ZBTB7C: variants seen among roughly 807,000 people sequenced by gnomAD.
ZBTB7C encodes zinc finger and BTB domain-containing protein 7C.
Under a neutral mutation model 25.7 loss-of-function variants are expected in ZBTB7C, and 8 were observed. That is an observed-to-expected ratio of 0.31 (90% CI 0.18 to 0.56). The LOEUF (loss-of-function observed/expected upper bound fraction) is 0.56, where lower values mean the gene tolerates loss of function less well. Ranked by LOEUF, ZBTB7C falls within the 20% of genes least tolerant of loss-of-function variation. ZBTB7C has a pLI of 0.91. For synonymous variants in ZBTB7C, 394 were observed against 369.0 expected, an observed-to-expected ratio of 1.07 and a Z score of -0.78; for missense variants, 824 against 855.2, an observed-to-expected ratio of 0.96 and a Z score of 0.46.
In ZBTB7C at chr18:48,158,835, A is replaced by G. The variant is rs80297801; in HGVS notation, c.-17+27099T>C. Among the ~76,000 whole-genome samples the G allele has an allele frequency of 4.5e-3, 679 of 152,260 alleles. 2 individuals are homozygous for G. The highest frequency in any genetic ancestry group is 8.1e-3 in the Non-Finnish European group (551 of 68,022). On this transcript the variant is annotated intron_variant, in intron 3 of 4. Transcript: ENST00000590800. ...CCATCCATCTCGAGGTTTTGAAGGC[A>G]CCTGGTTTTACTGATAATCTGGGGT... is the stretch of plus-strand genomic sequence containing the variant.
chr18:48,374,314 C>T (rs2047464309), intron 1 of ZBTB7C: 1 of 152,220 alleles, frequency 6.6e-6, no homozygotes, highest in African/African-American at 2.4e-5. Flanking sequence ...GCCACCTCTT[C>T]TGGAAGGAGA....
At chr18:48,385,865 T>C (rs753827159) in intron 1 of ZBTB7C, among the ~76,000 whole-genome samples, 1 of 152,196 alleles carries the variant, frequency 6.6e-6, no homozygotes, top group Non-Finnish European at 1.5e-5. Context: ...CATGTGTCTC[T>C]ACAAAGCTCC....
At chr18:48,178,489 A>T (rs2041761418) in intron 3 of ZBTB7C, among the ~76,000 whole-genome samples, 1 of 152,194 alleles carries the variant, frequency 6.6e-6, no homozygotes, top group Admixed American at 6.5e-5. Context: ...AAGAGAGAAA[A>T]GTTGGTGGAG....
At chr18:48,043,124 C>T (rs533357825) in intron 3 of ZBTB7C, among the ~76,000 whole-genome samples, 53 of 152,222 alleles carry the variant, frequency 3.5e-4, no homozygotes, top group South Asian at 2.9e-3. Context: ...AAGGATCACT[C>T]GTATATTGCT....
intron 2 of ZBTB7C, among the ~76,000 whole-genome samples, chr18:48,256,238 T>C (rs1298010002): frequency 6.6e-6 from 1 of 151,858 alleles, no homozygotes; most frequent in African/African-American, 2.4e-5. Flanking sequence ...TCAAAACCAA[T>C]AATAAAGACA....
At chr18:48,154,632 A>ACCTTATGG (rs1457574941) in intron 3 of ZBTB7C, among the ~76,000 whole-genome samples, 1 of 152,116 alleles carries the variant, frequency 6.6e-6, no homozygotes, top group Non-Finnish European at 1.5e-5. Context: ...CAATATAGAC[A>ACCTTATGG]CCTTATGGAA....
chr18:48,254,846 G>A (rs541745494), intron 2 of ZBTB7C, among the ~76,000 whole-genome samples: 5 of 152,272 alleles, frequency 3.3e-5, no homozygotes, highest in African/African-American at 1.2e-4. Context: ...CAGTATCTCA[G>A]TGTACTGACT....
intron 3 of ZBTB7C, among the ~76,000 whole-genome samples, chr18:48,083,574 G>T (rs1327258707): frequency 6.6e-6 from 1 of 152,154 alleles, no homozygotes; most frequent in Non-Finnish European, 1.5e-5. Flanking sequence ...GCGGTGCAAA[G>T]TTTGTGTCTG....
rs2038725266 is a variant in ZBTB7C at position 48,098,666 on chromosome 18, C to T, written c.-16-57543G>A. On this transcript the variant is annotated intron_variant, in intron 3 of 4. Coordinates refer to ENST00000590800, the MANE Select transcript of ZBTB7C (RefSeq NM_001318841.2). The stretch of plus-strand genomic sequence containing the variant: ...TATGGGAAGGATTTCATATCTGGTT[C>T]CTGGGATGAAGCCTGTGATCGGGCA... Among the ~76,000 whole-genome samples the T allele has an allele frequency of 2.0e-5, 3 of 152,156 alleles. 1 individual carries two copies. In the South Asian group the frequency reaches 6.2e-4, roughly 32 times the overall value.
intron 3 of ZBTB7C, among the ~76,000 whole-genome samples, chr18:48,071,705 A>G (rs2037548624): frequency 1.3e-5 from 2 of 152,280 alleles, no homozygotes; most frequent in African/African-American, 2.4e-5. Context: ...CATTCATAGC[A>G]TTATTCACAC....
intron 2 of ZBTB7C, among the ~76,000 whole-genome samples, chr18:48,243,099 C>G (rs999264800): frequency 1.3e-5 from 2 of 151,898 alleles, no homozygotes; most frequent in African/African-American, 4.8e-5. Context: ...CCCATCTCCA[C>G]TAAAAATGTA....
intron 3 of ZBTB7C, among the ~76,000 whole-genome samples, chr18:48,179,932 TG>T (rs1568282533): frequency 9.7e-5 from 12 of 123,136 alleles, no homozygotes; most frequent in African/African-American, 2.9e-4. Context: ...CTTCCTTCCC[TG>T]CTTCCTTCCT....
At chr18:48,289,056 T>C (rs780364994) in intron 2 of ZBTB7C, among the ~76,000 whole-genome samples, 4 of 152,144 alleles carry the variant, frequency 2.6e-5, no homozygotes, top group Non-Finnish European at 5.9e-5. Flanking sequence ...ATCAGGGAAA[T>C]GCAAGGCTAT....
At chr18:48,068,077 C>T (rs1000714885) in intron 3 of ZBTB7C, among the ~76,000 whole-genome samples, 1 of 151,892 alleles carries the variant, frequency 6.6e-6, no homozygotes, top group African/African-American at 2.4e-5. Flanking sequence ...CTCTGGAGAA[C>T]TCTGACTAAT....
intron 3 of ZBTB7C, among the ~76,000 whole-genome samples, chr18:48,068,316 T>C (rs2037410919): frequency 6.6e-6 from 1 of 151,876 alleles, no homozygotes. Flanking sequence ...ATTTTTGGTA[T>C]TTTTATTAGA....
intron 2 of ZBTB7C, among the ~76,000 whole-genome samples, chr18:48,336,785 TC>T (rs2046467706): frequency 6.6e-6 from 1 of 151,958 alleles, no homozygotes; most frequent in African/African-American, 2.4e-5. Context: ...CCCAGGATGC[TC>T]CCCAGCTTCA....
intron 3 of ZBTB7C, among the ~76,000 whole-genome samples, chr18:48,178,460 A>G (rs1184665528): frequency 6.6e-6 from 1 of 152,250 alleles, no homozygotes; most frequent in East Asian, 1.9e-4. Context: ...TGTGAGAAGC[A>G]TTACAAGAAG....
intron 4 of ZBTB7C, among the ~76,000 whole-genome samples, chr18:48,038,792 G>A (rs1319880223): frequency 6.6e-6 from 1 of 152,148 alleles, no homozygotes; most frequent in Non-Finnish European, 1.5e-5. Context: ...GGTGGGGAAG[G>A]GACCTAGTCT....
At chr18:48,070,006 G>A (rs568271737) in intron 3 of ZBTB7C, among the ~76,000 whole-genome samples, 9 of 152,248 alleles carry the variant, frequency 5.9e-5, no homozygotes, top group African/African-American at 1.9e-4. Flanking sequence ...TCACAGGTGA[G>A]GCAATTGAGC....
Sources: allele counts gnomAD v4.1 joint callset (sites outside exome capture counted in the v4.1 genomes callset), GRCh38; gene constraint gnomAD v4.1.1; transcripts MANE v1.5; gene names NCBI Gene and HGNC (gene_info 2026-07-23, HGNC 2026-07-21).